The following CHST8 variants were observed in gnomAD, a reference collection of about 807,000 sequenced individuals.
CHST8 encodes the protein GALNAC-4-ST1.
CHST8 carries 10 observed loss-of-function variants against 15.0 expected under a neutral mutation model. That is an observed-to-expected ratio of 0.67 (90% CI 0.41 to 1.13). The LOEUF (loss-of-function observed/expected upper bound fraction) is 1.13, where lower values mean the gene tolerates loss of function less well. Ranked by LOEUF, CHST8 falls within the 50% of genes most tolerant of loss-of-function variation. The pLI is 0.00. For synonymous variants in CHST8, 259 were observed against 256.6 expected, an observed-to-expected ratio of 1.01 and a Z score of -0.09; for missense variants, 634 against 608.2, an observed-to-expected ratio of 1.04 and a Z score of -0.45.
chr19:33,730,749 C>T (rs1973978788), intron 3 of CHST8, among the ~76,000 whole-genome samples: 1 of 152,140 alleles, frequency 6.6e-6, no homozygotes, highest in African/African-American at 2.4e-5. Flanking sequence ...AGTGAAATTC[C>T]ACAATAGGCC....
chr19:33,646,825 G>T (rs1972361429), intron 1 of CHST8, among the ~76,000 whole-genome samples: 1 of 152,210 alleles, frequency 6.6e-6, no homozygotes, highest in Non-Finnish European at 1.5e-5. Flanking sequence ...TGAGGCAGGA[G>T]AATTGCTTGA....
intron 3 of CHST8, among the ~76,000 whole-genome samples, chr19:33,696,375 G>A (rs541990727): frequency 2.1e-4 from 32 of 152,006 alleles, no homozygotes; most frequent in South Asian, 2.1e-3. Flanking sequence ...TGAGTGGTGC[G>A]CGAGCTATCA....
At chr19:33,755,073 C>T (rs1974519933) in intron 3 of CHST8, among the ~76,000 whole-genome samples, 2 of 152,200 alleles carry the variant, frequency 1.3e-5, no homozygotes, top group Admixed American at 6.5e-5. Flanking sequence ...ATGACATTCT[C>T]AGGATGCCCA....
At position 33,771,480 on chromosome 19, in the gene CHST8, T is replaced by G. The variant is rs775825098; in HGVS notation, c.168+30T>G. On this transcript the variant is annotated intron_variant, in intron 4 of 4. Coordinates refer to ENST00000650847, the MANE Select transcript of CHST8 (RefSeq NM_001127895.2). ...GTTCTGAGAGTCAGATAAATCTCAG[T>G]GCACACAGCCCTTGGGAAACTGGGG... 7.5e-6 allele frequency: 12 copies of G among 1,610,266 alleles called. No individual in the cohort carries two copies. In the South Asian group the frequency reaches 1.1e-4, roughly 15 times the overall value.
At chr19:33,704,831 A>G (rs752864360) in intron 3 of CHST8, among the ~76,000 whole-genome samples, 12 of 151,518 alleles carry the variant, frequency 7.9e-5, no homozygotes, top group Non-Finnish European at 1.8e-4. Flanking sequence ...AATAGCTTGA[A>G]CCCAGGAGGT....
intron 3 of CHST8, among the ~76,000 whole-genome samples, chr19:33,741,437 T>G (rs1974191906): frequency 6.6e-6 from 1 of 152,242 alleles, no homozygotes; most frequent in Non-Finnish European, 1.5e-5. Context: ...CTGTTTCTGA[T>G]AGTCCTTTTT....
At chr19:33,654,183 C>T (rs922230530) in intron 1 of CHST8, among the ~76,000 whole-genome samples, 1 of 152,076 alleles carries the variant, frequency 6.6e-6, no homozygotes, top group Non-Finnish European at 1.5e-5. Context: ...TGGAATTCTA[C>T]GGAGAGTGTT....
At chr19:33,625,526 G>A (rs62102232) in intron 1 of CHST8, among the ~76,000 whole-genome samples, 69,290 of 152,030 alleles carry the variant, frequency 0.46, 16,225 homozygotes, top group Middle Eastern at 0.57. Context: ...AATGTGACCC[G>A]GCAGTGGCAC....
In CHST8 at chr19:33,772,199, G is replaced by A. The variant is rs745329437; in HGVS notation, c.411G>A (p.Pro137=). The part of the protein sequence containing the change: ...ANSSDAPFIR[P]GPGTLDGRWV... ...GCTCGGACGCGCCCTTCATCCGGCC[G>A]GGACCCGGGACGCTGGATGGCCGCT... Residue 137 remains proline (P), a synonymous_variant, in exon 5 of 5, where the codon CCG becomes CCA. Coordinates refer to ENST00000650847, the MANE Select transcript of CHST8 (RefSeq NM_001127895.2). 9.4e-6 allele frequency: 15 copies of A among 1,593,494 alleles called. No homozygotes were observed. In the Admixed American group the frequency reaches 1.9e-4, roughly 20 times the overall value.
At chr19:33,735,440 C>T (rs181435612) in intron 3 of CHST8, among the ~76,000 whole-genome samples, 57 of 152,314 alleles carry the variant, frequency 3.7e-4, no homozygotes, top group African/African-American at 1.4e-3. Flanking sequence ...CTCCCGACTG[C>T]CCACTGCAAG....
chr19:33,748,904 G>T (rs1195442682), intron 3 of CHST8, among the ~76,000 whole-genome samples: 1 of 152,170 alleles, frequency 6.6e-6, no homozygotes, highest in African/African-American at 2.4e-5. Context: ...GGCAGGTGAA[G>T]GCATCAGGAC....
intron 1 of CHST8, among the ~76,000 whole-genome samples, chr19:33,667,373 G>C: frequency 6.6e-6 from 1 of 152,126 alleles, no homozygotes; most frequent in East Asian, 1.9e-4. Context: ...GCAGCCCGAC[G>C]GCTGGCGCTG....
At chr19:33,744,437 A>G (rs1345753429) in intron 3 of CHST8, 4 of 152,168 alleles carry the variant, frequency 2.6e-5, no homozygotes, top group Non-Finnish European at 5.9e-5. Context: ...CTGGGAATTC[A>G]AGACTTTCAC....
chr19:33,744,148 T>G (rs1378072352), intron 3 of CHST8, among the ~76,000 whole-genome samples: 1 of 152,234 alleles, frequency 6.6e-6, no homozygotes, highest in East Asian at 1.9e-4. Context: ...CTATGTGTAC[T>G]CTCCTGGTTC....
In CHST8 at chr19:33,772,210, C is replaced by T; in HGVS notation, c.422C>T (p.Thr141Met). ...CCCTTCATCCGGCCGGGACCCGGGA[C>T]GCTGGATGGCCGCTGGGTCAGCCTG... is the stretch of plus-strand genomic sequence containing the variant. ...DAPFIRPGPG[T>M]LDGRWVSLHR... The change falls in exon 5 of 5, where the codon ACG (threonine) becomes ATG (methionine). Residue 141 changes from threonine (T) to methionine (M), a missense_variant. By Grantham distance (81) the Thr-to-Met change is moderately conservative. Transcript: ENST00000650847. The T allele has an allele frequency of 6.3e-7, 1 of 1,594,572 alleles. No homozygotes were observed. Among genetic ancestry groups the T allele is most frequent in the Non-Finnish European group, 8.5e-7 (1 of 1,174,194 alleles).
At chr19:33,722,645 A>C (rs747962279) in intron 3 of CHST8, among the ~76,000 whole-genome samples, 2 of 151,944 alleles carry the variant, frequency 1.3e-5, no homozygotes, top group African/African-American at 4.8e-5. Flanking sequence ...GGGCATTCTC[A>C]ATTGGTAACA....
intron 3 of CHST8, among the ~76,000 whole-genome samples, chr19:33,710,607 G>A (rs1973530030): frequency 6.6e-6 from 1 of 152,054 alleles, no homozygotes; most frequent in African/African-American, 2.4e-5. Flanking sequence ...TGTCTGATCT[G>A]CTGATCTATT....
chr19:33,637,425 C>T lies in CHST8; in HGVS notation c.-164+15129C>T, dbSNP rs1230276708. ...CTTTCTTTTTTTTTTTTTTTTGAGA[C>T]GGAGTCTCGCTCTGTCACCCAGGCT... On this transcript the variant is annotated intron_variant, in intron 1 of 4. Coordinates refer to ENST00000650847, the MANE Select transcript of CHST8 (RefSeq NM_001127895.2). 4.9e-5 allele frequency among the ~76,000 whole-genome samples: 7 copies of T among 142,668 alleles called. No individual in the cohort carries two copies. In the South Asian group the frequency reaches 9.1e-4, roughly 18 times the overall value. 93.6% of individuals were successfully genotyped at this position (142,668 alleles called of 152,430 possible). A position where few individuals can be genotyped will look rare whatever the true frequency, so the allele number is the denominator to read the frequency against.
At position 33,772,487 on chromosome 19, in the gene CHST8, C is replaced by T. The variant is rs1975015014; in HGVS notation, c.699C>T (p.Leu233=). 6.2e-7 allele frequency: 1 copy of T among 1,613,568 alleles called. No individual in the cohort carries two copies. The highest frequency in any genetic ancestry group is 8.5e-7 in the Non-Finnish European group (1 of 1,180,030). ...ACACCGTCCACTATGGCAGCGCTCT[C>T]AAGCGCCTGGACACCTTCGACCGCC... ...QHNTVHYGSA[L]KRLDTFDRQG... is the part of the protein sequence containing the mutation. The change falls in exon 5 of 5, where the codon CTC becomes CTT. Residue 233 remains leucine, a synonymous_variant. Coordinates refer to ENST00000650847, the MANE Select transcript of CHST8 (RefSeq NM_001127895.2).
Sources: allele counts gnomAD v4.1 joint callset (sites outside exome capture counted in the v4.1 genomes callset), GRCh38; gene constraint gnomAD v4.1.1; transcripts MANE v1.5; gene names NCBI Gene and HGNC (gene_info 2026-07-23, HGNC 2026-07-21).